The following PDE10A variants were observed in gnomAD, a reference collection of about 807,000 sequenced individuals.
PDE10A encodes cAMP and cAMP-inhibited cGMP 3',5'-cyclic phosphodiesterase 10A.
Under a neutral mutation model 97.7 loss-of-function variants are expected in PDE10A, and 39 were observed. The ratio of observed to expected loss-of-function variants is 0.40; its 90% CI spans 0.31 to 0.52. The LOEUF (loss-of-function observed/expected upper bound fraction) is 0.52, where lower values mean the gene tolerates loss of function less well. Among genes scored for constraint, PDE10A ranks in the 20% least tolerant of loss-of-function variants. The pLI, the probability that PDE10A is intolerant of heterozygous loss-of-function variation, is 0.56. For synonymous variants in PDE10A, 371 were observed against 376.8 expected, an observed-to-expected ratio of 0.98 and a Z score of 0.18; for missense variants, 731 against 1,047.8, an observed-to-expected ratio of 0.70 and a Z score of 4.17.
chr6:165,414,207 A>G (rs1788137970), intron 12 of PDE10A, among the ~76,000 whole-genome samples: 1 of 152,274 alleles, frequency 6.6e-6, no homozygotes, highest in East Asian at 1.9e-4. Flanking sequence ...CAGCCACACC[A>G]TTCATTCACA....
At position 165,711,337 on chromosome 6, in the gene PDE10A, C is replaced by T. The variant is rs1333723270; in HGVS notation, c.-614-167769G>A. 1.3e-5 allele frequency among the ~76,000 whole-genome samples: 2 copies of T among 152,138 alleles called. No homozygotes were observed. Among genetic ancestry groups the T allele is most frequent in the Non-Finnish European group, 2.9e-5 (2 of 68,030 alleles). On this transcript the variant is annotated intron_variant, in intron 1 of 19. Coordinates refer to the PDE10A transcript ENST00000366882. The surrounding 1 kb of genome is among the most constrained non-coding windows in gnomAD (Gnocchi z 4.5). ...CACCATTACAGATGGTATGATTCAG[C>T]GTGCTAAAGGCAGCTGTGGTCTGGA...
At chr6:165,824,509 T>C (rs535063729) in intron 1 of PDE10A, among the ~76,000 whole-genome samples, 1 of 152,352 alleles carries the variant, frequency 6.6e-6, no homozygotes, top group South Asian at 2.1e-4. Flanking sequence ...TTTGTCCTGA[T>C]CTTCTAATGC....
At chr6:165,465,970 C>G (rs1414489339) in intron 3 of PDE10A, among the ~76,000 whole-genome samples, 1 of 152,054 alleles carries the variant, frequency 6.6e-6, no homozygotes, top group African/African-American at 2.4e-5. Context: ...GAGAGGGTAG[C>G]AGAGGAACAA....
At chr6:165,963,698 AG>A (rs1784424239) in intron 1 of PDE10A, among the ~76,000 whole-genome samples, 1 of 152,220 alleles carries the variant, frequency 6.6e-6, no homozygotes, top group African/African-American at 2.4e-5. Context: ...ACCTGTCCTG[AG>A]AAAAGCCTCA....
intron 17 of PDE10A, among the ~76,000 whole-genome samples, chr6:165,380,837 G>T (rs1262967973): frequency 1.3e-5 from 2 of 152,206 alleles, no homozygotes; most frequent in African/African-American, 4.8e-5. Flanking sequence ...TTCATGCTAT[G>T]GTATCTGCTT....
At chr6:165,480,044 T>A (rs1016598448) in intron 3 of PDE10A, among the ~76,000 whole-genome samples, 4 of 152,194 alleles carry the variant, frequency 2.6e-5, no homozygotes, top group African/African-American at 9.6e-5. Flanking sequence ...GCAATTAGTC[T>A]GTAGTGTTAA....
chr6:165,943,214 A>AAGGAAGGAAGGAAGGAAGGAAG (rs1562809625), intron 1 of PDE10A, among the ~76,000 whole-genome samples: 5 of 85,808 alleles, frequency 5.8e-5, no homozygotes, highest in Admixed American at 2.1e-4. Context: ...AAAGAAAGAA[A>AAGGAAGGAAGGAAGGAAGGAAG]GAAAGAAAGA....
chr6:165,779,819 G>A (rs1275635101), intron 1 of PDE10A, among the ~76,000 whole-genome samples: 7 of 152,162 alleles, frequency 4.6e-5, no homozygotes, highest in Middle Eastern at 3.4e-3. Flanking sequence ...TTCTTCCCAC[G>A]TGGCCATGGC....
intron 19 of PDE10A, among the ~76,000 whole-genome samples, chr6:165,341,470 T>A (rs1030060145): frequency 6.6e-6 from 1 of 152,214 alleles, no homozygotes; most frequent in African/African-American, 2.4e-5. Context: ...AGCAATCCTG[T>A]ACCTGAACAA....
intron 1 of PDE10A, among the ~76,000 whole-genome samples, chr6:165,737,630 TA>T (rs1385311410): frequency 6.6e-6 from 1 of 152,194 alleles, no homozygotes; most frequent in Admixed American, 6.5e-5. Flanking sequence ...ATCTTCATGA[TA>T]AAAGCTCTCA....
At chr6:165,852,974 A>G (rs977375627) in intron 1 of PDE10A, among the ~76,000 whole-genome samples, 5 of 152,224 alleles carry the variant, frequency 3.3e-5, no homozygotes, top group African/African-American at 1.2e-4. Context: ...AATACCTGCT[A>G]GTGGACGCCC....
intron 1 of PDE10A, among the ~76,000 whole-genome samples, chr6:165,983,443 G>C (rs1173336248): frequency 6.6e-6 from 1 of 152,100 alleles, no homozygotes; most frequent in Non-Finnish European, 1.5e-5. Context: ...CAGGACCGAA[G>C]GGCTTTAGTT....
At chr6:165,602,394 G>A (rs775341015) in intron 1 of PDE10A, among the ~76,000 whole-genome samples, 3 of 152,112 alleles carry the variant, frequency 2.0e-5, no homozygotes, top group Non-Finnish European at 4.4e-5. Flanking sequence ...GGTCTCTCTC[G>A]GGGAACTTCG....
intron 1 of PDE10A, among the ~76,000 whole-genome samples, chr6:165,642,187 C>T (rs557462755): frequency 6.6e-6 from 1 of 152,366 alleles, no homozygotes; most frequent in South Asian, 2.1e-4. Context: ...TGCTCTCCCA[C>T]AGCCCCACAT....
At chr6:165,575,413 T>G (rs987024033) in intron 1 of PDE10A, among the ~76,000 whole-genome samples, 41 of 152,156 alleles carry the variant, frequency 2.7e-4, no homozygotes, top group African/African-American at 9.4e-4. Flanking sequence ...GATCCTTTAT[T>G]TTTCCCCTCC....
At chr6:165,336,361 A>G in intron 20 of PDE10A, 150 bp from the exon 21 acceptor site, 1 of 639,512 alleles carries the variant, frequency 1.6e-6, no homozygotes, top group Non-Finnish European at 2.8e-6. Flanking sequence ...TCTGGGTTCC[A>G]TGAATACTAT....
Position 165,708,689 on chromosome 6 carries a change from T to C in PDE10A, c.-614-165121A>G, listed in dbSNP as rs1331066163. Among the ~76,000 whole-genome samples, 4 of 151,472 alleles carry C rather than the reference T, an allele frequency of 2.6e-5. No homozygotes were observed. The East Asian group carries it at 7.8e-4, about 30-fold the overall frequency. On this transcript the variant is annotated intron_variant, in intron 1 of 19. Coordinates refer to the PDE10A transcript ENST00000366882. Reference sequence around the variant, plus strand: ...GCCGACCCACTCTCCCTCTCCATGCTCCTGCGCTCTCCTCACCACTCTCTA... The same window carrying C: ...GCCGACCCACTCTCCCTCTCCATGCCCCTGCGCTCTCCTCACCACTCTCTA...
chr6:165,407,112 T>C (rs1368378436), intron 13 of PDE10A, among the ~76,000 whole-genome samples: 1 of 152,202 alleles, frequency 6.6e-6, no homozygotes, highest in African/African-American at 2.4e-5. Context: ...CTCGCTCGTG[T>C]ATCTATTCAT....
At position 165,457,079 on chromosome 6, in the gene PDE10A, C is replaced by T. The variant is rs7743410; in HGVS notation, c.1024-6717G>A. Among the ~76,000 whole-genome samples the T allele has an allele frequency of 4.7e-3, 721 of 152,188 alleles. 2 individuals carry two copies. Among genetic ancestry groups the T allele is most frequent in the African/African-American group, 0.017 (689 of 41,520 alleles). On this transcript the variant is annotated intron_variant, in intron 3 of 21. Transcript: ENST00000539869. ...CTGAGGAGACAAATTACGTGAATGT[C>T]AAATCACATACTTGTAAGACACTTC...
Sources: allele counts gnomAD v4.1 joint callset (sites outside exome capture counted in the v4.1 genomes callset), GRCh38; gene constraint gnomAD v4.1.1; non-coding constraint Gnocchi (gnomAD v3.1); transcripts MANE v1.5; gene names NCBI Gene and HGNC (gene_info 2026-07-23, HGNC 2026-07-21).